NUDT5: variants seen among roughly 807,000 people sequenced by gnomAD.
The protein encoded by NUDT5 is nudix hydrolase 5.
A neutral mutation model predicts 34.1 loss-of-function variants in NUDT5; 21 were observed. The observed-to-expected ratio is 0.62, with a 90% confidence interval of 0.44 to 0.89. The LOEUF (loss-of-function observed/expected upper bound fraction) is 0.89. Among genes scored for constraint, NUDT5 ranks in the 40% least tolerant of loss-of-function variants. The probability of loss-of-function intolerance (pLI) is 0.00; values close to 1 mark genes in which losing one functional copy is unlikely to be tolerated. For missense variants in NUDT5, 249 were observed against 274.8 expected (o/e 0.91, Z 0.66); for synonymous variants, 85 against 97.6 (o/e 0.87, Z 0.76).
Position 12,195,821 on chromosome 10 carries a change from C to G in NUDT5, c.-93G>C, listed in dbSNP as rs193269609. ...AGAGGACGAAATAACTAGCTGGAGG[C>G]AGCAGTGTCAGCCGATGCCGGTGCC... On this transcript the variant is annotated 5_prime_UTR_variant, in exon 1 of 10. Coordinates refer to ENST00000491614, the MANE Select transcript of NUDT5 (RefSeq NM_014142.4). The G allele has an allele frequency of 1.7e-5, 4 of 230,778 alleles. No homozygotes were observed. Among genetic ancestry groups the G allele is most frequent in the African/African-American group, 7.0e-5 (3 of 42,980 alleles). 14.3% of individuals were successfully genotyped at this position (230,778 alleles called of 1,614,324 possible). A position where few individuals can be genotyped will look rare whatever the true frequency, so the allele number is the denominator to read the frequency against.
rs1414195128 is a variant in NUDT5, at chr10:12,169,993, A to AT, written c.550+723dup. On this transcript the variant is annotated intron_variant, in intron 9 of 9. Transcript: ENST00000491614. The surrounding 1 kb of genome is among the most constrained non-coding windows in gnomAD (Gnocchi z 4.8). ...GCTTCTTTCTAGATGAGTGAAAGGGATTTGCCAGCCCATACAGAGGTGCTC... is the reference window on the plus strand; with the variant it reads ...GCTTCTTTCTAGATGAGTGAAAGGGATTTTGCCAGCCCATACAGAGGTGCTC... 7.2e-6 allele frequency: 6 copies of AT among 832,906 alleles called. No homozygotes were observed. In the African/African-American group the frequency reaches 1.0e-4, roughly 14 times the overall value. The allele number at this position is 832,906 out of a possible 1,614,324, so 51.6% of individuals were successfully genotyped here. A position where few individuals can be genotyped will look rare whatever the true frequency, so the allele number is the denominator to read the frequency against.
Position 12,166,418 on chromosome 10 carries a change from A to C in NUDT5, c.*1284T>G, listed in dbSNP as rs1382729242. On this transcript the variant is annotated 3_prime_UTR_variant, in exon 10 of 10. Coordinates refer to ENST00000491614, the MANE Select transcript of NUDT5 (RefSeq NM_014142.4). ...TAGTTGGATCTTAATTTTCACATGTATAGGGCTAGACAGCTTCATCTGTAA... is the reference window on the plus strand; with the variant it reads ...TAGTTGGATCTTAATTTTCACATGTCTAGGGCTAGACAGCTTCATCTGTAA... The C allele has an allele frequency of 1.2e-5, 2 of 172,326 alleles. No individual in the cohort carries two copies. The highest frequency in any genetic ancestry group is 4.8e-5 in the African/African-American group (2 of 41,960). 10.7% of individuals were successfully genotyped at this position (172,326 alleles called of 1,614,324 possible).
intron 1 of NUDT5, among the ~76,000 whole-genome samples, chr10:12,193,787 T>A (rs1282939719): frequency 1.3e-5 from 2 of 152,212 alleles, no homozygotes; most frequent in Non-Finnish European, 2.9e-5. Flanking sequence ...ATCTATATAT[T>A]TAAGCTTACA....
At chr10:12,193,573 T>C (rs1460249696) in intron 1 of NUDT5, among the ~76,000 whole-genome samples, 1 of 152,128 alleles carries the variant, frequency 6.6e-6, no homozygotes, top group Non-Finnish European at 1.5e-5. Flanking sequence ...ACAACCACGG[T>C]GGTTAAAATA....
At chr10:12,186,593 G>C (rs1293984066) in intron 1 of NUDT5, among the ~76,000 whole-genome samples, 1 of 151,658 alleles carries the variant, frequency 6.6e-6, no homozygotes, top group African/African-American at 2.4e-5. Flanking sequence ...GGCACTTAGA[G>C]GCCACCCTTC....
At chr10:12,184,161 C>T (rs1835086210) in intron 3 of NUDT5, among the ~76,000 whole-genome samples, 1 of 152,176 alleles carries the variant, frequency 6.6e-6, no homozygotes, top group South Asian at 2.1e-4. Context: ...AAGCAATTCT[C>T]CTGCCTCAGC....
Position 12,167,026 on chromosome 10 carries a change from C to A in NUDT5, c.*676G>T. On this transcript the variant is annotated 3_prime_UTR_variant, in exon 10 of 10. Coordinates refer to ENST00000491614, the MANE Select transcript of NUDT5 (RefSeq NM_014142.4). ...TGAGGTAAGAATAGGAAAAGAGATCCTCAAGCACGTGCAGATGCTTGCGGG... is the reference window on the plus strand; with the variant it reads ...TGAGGTAAGAATAGGAAAAGAGATCATCAAGCACGTGCAGATGCTTGCGGG... The A allele has an allele frequency of 5.1e-6, 1 of 195,788 alleles. No homozygotes were observed. The allele number at this position is 195,788 out of a possible 1,614,324, so 12.1% of individuals were successfully genotyped here.
At chr10:12,189,325 C>G (rs192302006) in intron 1 of NUDT5, among the ~76,000 whole-genome samples, 3,081 of 152,238 alleles carry the variant, frequency 0.02, 41 homozygotes, top group Middle Eastern at 0.051. Context: ...AGGCTGGCCT[C>G]GAACTCCTGA....
At chr10:12,193,308 G>C (rs1835267978) in intron 1 of NUDT5, among the ~76,000 whole-genome samples, 4 of 152,180 alleles carry the variant, frequency 2.6e-5, no homozygotes, top group Admixed American at 6.5e-5. Context: ...TGTTTGAGGT[G>C]ATAGCAGACA....
Position 12,165,519 on chromosome 10 carries a change from C to CAGAT in NUDT5, c.*2179_*2182dup, listed in dbSNP as rs918618949. 4 of 246,188 alleles carry CAGAT rather than the reference C, an allele frequency of 1.6e-5. No individual in the cohort carries two copies. The highest frequency in any genetic ancestry group is 1.9e-5 in the Non-Finnish European group (3 of 154,224). 15.3% of individuals were successfully genotyped at this position (246,188 alleles called of 1,614,324 possible). The stretch of plus-strand genomic sequence containing the variant: ...TCAAACTTTAATCCTAAATTATTGA[C>CAGAT]AGATAGATAGATAGTGACCAACTTA... On this transcript the variant is annotated 3_prime_UTR_variant, in exon 10 of 10. Transcript: ENST00000491614.
At chr10:12,174,013 C>G (rs534801901) in intron 5 of NUDT5, among the ~76,000 whole-genome samples, 200 bp from the exon 6 acceptor site, 1 of 151,964 alleles carries the variant, frequency 6.6e-6, no homozygotes, top group African/African-American at 2.4e-5. Context: ...ATTACAGGCG[C>G]GTGCCACCAC....
chr10:12,189,150 G>A (rs986384222), intron 1 of NUDT5, among the ~76,000 whole-genome samples: 1 of 152,022 alleles, frequency 6.6e-6, no homozygotes, highest in Non-Finnish European at 1.5e-5. Context: ...CTTGTTGCCC[G>A]GCTGGAGTGC....
Position 12,165,827 on chromosome 10 carries a change from A to ATAGT in NUDT5, c.*1871_*1874dup, listed in dbSNP as rs1342905945. 1 of 152,248 alleles carries ATAGT rather than the reference A, an allele frequency of 6.6e-6. No homozygotes were observed. Among genetic ancestry groups the ATAGT allele is most frequent in the Non-Finnish European group, 1.5e-5 (1 of 68,044 alleles). The allele number at this position is 152,248 out of a possible 1,614,324, so 9.4% of individuals were successfully genotyped here. On this transcript the variant is annotated 3_prime_UTR_variant, in exon 10 of 10. Coordinates refer to ENST00000491614, the MANE Select transcript of NUDT5 (RefSeq NM_014142.4). ...GGCAAGGCAGATAAAGGCAGGCAGG[A>ATAGT]TAGTGACAGTGGCTCGGTGAGCATC...
intron 1 of NUDT5, among the ~76,000 whole-genome samples, chr10:12,188,463 C>A (rs923765644): frequency 6.6e-6 from 1 of 152,134 alleles, no homozygotes; most frequent in Admixed American, 6.5e-5. Flanking sequence ...CGGTGGCTCA[C>A]GCCTCACGCC....
Position 12,169,795 on chromosome 10 carries a change from AC to A in NUDT5, c.550+921del, listed in dbSNP as rs1289765975. ...CCAGGCGCTCTGCTTATTCACTGAA[AC>A]CGTAAGCTGCTGAAACTCAGGGAAA... On this transcript the variant is annotated intron_variant, in intron 9 of 9. Transcript: ENST00000491614. The surrounding 1 kb of genome is among the most constrained non-coding windows in gnomAD (Gnocchi z 4.8). 3.9e-5 allele frequency: 11 copies of A among 279,658 alleles called. No individual in the cohort carries two copies. Among genetic ancestry groups the A allele is most frequent in the African/African-American group, 2.2e-4 (10 of 46,006 alleles). The allele number at this position is 279,658 out of a possible 1,614,324, so 17.3% of individuals were successfully genotyped here.
chr10:12,195,427 C>T (rs1835319615), intron 1 of NUDT5, among the ~76,000 whole-genome samples: 3 of 152,234 alleles, frequency 2.0e-5, no homozygotes, highest in Non-Finnish European at 4.4e-5. Flanking sequence ...ATTTACCTCT[C>T]GCCTTTTACC....
rs924516397 is a variant in NUDT5, at chr10:12,173,870, C to T, written c.290-57G>A. On this transcript the variant is annotated intron_variant, in intron 5 of 9. Transcript: ENST00000491614. This position sits in a 1 kb window ranked among gnomAD's most constrained non-coding sequence, Gnocchi z 4.7. ...CGGGAAATCCGGTTCTTTAAACCCT[C>T]CTTTTTTTTTTTTTGAGATGGAGTC... 28 of 1,121,784 alleles carry T rather than the reference C, an allele frequency of 2.5e-5. No individual in the cohort carries two copies. Among genetic ancestry groups the T allele is most frequent in the Non-Finnish European group, 3.2e-5 (26 of 816,010 alleles). 69.5% of individuals were successfully genotyped at this position (1,121,784 alleles called of 1,614,324 possible). A position where few individuals can be genotyped will look rare whatever the true frequency, so the allele number is the denominator to read the frequency against.
At position 12,184,875 on chromosome 10, in the gene NUDT5, A is replaced by G. The variant is rs932846907; in HGVS notation, c.131+14T>C. ...CAAATAACGAACATTTTGTAAGAAA[A>G]AAAAAAAGTTTACCTAGTTTTACCA... On this transcript the variant is annotated intron_variant, in intron 3 of 9. Transcript: ENST00000491614. 9.9e-6 allele frequency: 15 copies of G among 1,517,584 alleles called. No individual in the cohort carries two copies. Among genetic ancestry groups the G allele is most frequent in the Non-Finnish European group, 1.4e-5 (15 of 1,106,244 alleles). The allele number at this position is 1,517,584 out of a possible 1,614,324, so 94.0% of individuals were successfully genotyped here. A position where few individuals can be genotyped will look rare whatever the true frequency, so the allele number is the denominator to read the frequency against.
chr10:12,176,204 TAAA>T (rs1165792966), intron 5 of NUDT5, among the ~76,000 whole-genome samples: 2 of 147,378 alleles, frequency 1.4e-5, no homozygotes, highest in Non-Finnish European at 1.5e-5. Context: ...TTTCAAAAAA[TAAA>T]AAAATAAAAA....
Sources: gnomAD v4.1 joint callset for allele counts (sites outside exome capture counted in the v4.1 genomes callset) on GRCh38, gnomAD v4.1.1 for gene constraint, Gnocchi (gnomAD v3.1) non-coding constraint, MANE v1.5 for transcripts, NCBI Gene and HGNC (gene_info 2026-07-23, HGNC 2026-07-21) for gene names.